Variants in RABEP1 observed in about 807,000 individuals in gnomAD.
RABEP1 encodes rabaptin, RAB GTPase binding effector protein 1.
In RABEP1, 51 loss-of-function variants were observed where a neutral mutation model predicts 123.4. The ratio of observed to expected loss-of-function variants is 0.41; its 90% CI spans 0.33 to 0.52. RABEP1 has a LOEUF of 0.52. Ranked by LOEUF, RABEP1 falls within the 20% of genes least tolerant of loss-of-function variation. The pLI is 0.16. For synonymous variants in RABEP1, 347 were observed against 355.2 expected, an observed-to-expected ratio of 0.98 and a Z score of 0.26; for missense variants, 888 against 996.3, an observed-to-expected ratio of 0.89 and a Z score of 1.46.
chr17:5,374,106 A>T (rs1910773825), intron 13 of RABEP1, among the ~76,000 whole-genome samples: 1 of 152,110 alleles, frequency 6.6e-6, no homozygotes, highest in Admixed American at 6.6e-5. Flanking sequence ...AATATCTGTC[A>T]CCCAGGCTGG....
At chr17:5,364,985 G>C in intron 10 of RABEP1, 137 bp from the exon 11 acceptor site, 1 of 596,472 alleles carries the variant, frequency 1.7e-6, no homozygotes, top group Non-Finnish European at 3.0e-6. Context: ...TCTAATTTCT[G>C]TCTGAATTAG....
intron 1 of RABEP1, among the ~76,000 whole-genome samples, chr17:5,290,238 C>G (rs1445742567): frequency 6.6e-6 from 1 of 152,178 alleles, no homozygotes; most frequent in Non-Finnish European, 1.5e-5. Flanking sequence ...CAGGCGCCCG[C>G]CACCACACCC....
intron 2 of RABEP1, among the ~76,000 whole-genome samples, chr17:5,316,796 G>C (rs1287123049): frequency 8.4e-6 from 1 of 118,696 alleles, no homozygotes; most frequent in African/African-American, 3.4e-5. Context: ...TCGCGCTACT[G>C]CACTCCAGCC....
At chr17:5,361,023 T>A (rs1342866209) in intron 8 of RABEP1, 185 bp from the exon 9 acceptor site, 2 of 609,236 alleles carry the variant, frequency 3.3e-6, no homozygotes, top group African/African-American at 1.9e-5. Context: ...CACAGTTGTA[T>A]CCTGAGGGCC....
At chr17:5,358,689 C>T (rs969727841) in intron 8 of RABEP1, among the ~76,000 whole-genome samples, 1 of 150,022 alleles carries the variant, frequency 6.7e-6, no homozygotes, top group African/African-American at 2.4e-5. Context: ...AAAAAAAGAA[C>T]TGCTGAATTC....
At chr17:5,291,979 T>C (rs1245127223) in intron 1 of RABEP1, among the ~76,000 whole-genome samples, 1 of 152,246 alleles carries the variant, frequency 6.6e-6, no homozygotes, top group Non-Finnish European at 1.5e-5. Flanking sequence ...CATTTGTAAA[T>C]TCTCGCTATT....
At position 5,381,387 on chromosome 17, in the gene RABEP1, A is replaced by G; in HGVS notation, c.2371-2A>G. 1 of 1,605,488 alleles carries G rather than the reference A, an allele frequency of 6.2e-7. No homozygotes were observed. The highest frequency in any genetic ancestry group is 8.5e-7 in the Non-Finnish European group (1 of 1,177,644). On this transcript the variant is annotated splice_acceptor_variant, in intron 16 of 17. Transcript: ENST00000537505. LOFTEE classifies it high-confidence loss of function. ...TCTTCATTCAAAACTTGTATTTTTT[A>G]GGCTACCGTTGAACAACTAATGTTT...
At chr17:5,309,291 C>T (rs960500762) in intron 2 of RABEP1, among the ~76,000 whole-genome samples, 1 of 151,916 alleles carries the variant, frequency 6.6e-6, no homozygotes. Flanking sequence ...TCATGTGGTT[C>T]TTTAACTTGG....
At chr17:5,287,877 A>G (rs529593970) in intron 1 of RABEP1, among the ~76,000 whole-genome samples, 3 of 151,486 alleles carry the variant, frequency 2.0e-5, no homozygotes, top group South Asian at 2.1e-4. Context: ...TTGCTACTTC[A>G]CTCCCACCTA....
rs1438213033 is a variant in RABEP1 at position 5,383,511 on chromosome 17, C to T, written c.*288C>T. On this transcript the variant is annotated 3_prime_UTR_variant, in exon 18 of 18. Coordinates refer to ENST00000537505, the MANE Select transcript of RABEP1 (RefSeq NM_004703.6). ...GGAAAAAGCGCTGTTTCCTTGCCTG[C>T]TTTCTCCAAGACAGATTTTCGGAAC... 2.6e-6 allele frequency: 1 copy of T among 381,016 alleles called. No homozygotes were observed. The highest frequency in any genetic ancestry group is 4.0e-5 in the Admixed American group (1 of 24,852). 23.6% of individuals were successfully genotyped at this position (381,016 alleles called of 1,614,324 possible).
intron 2 of RABEP1, among the ~76,000 whole-genome samples, chr17:5,311,698 A>C (rs1216232023): frequency 4.5e-4 from 7 of 15,614 alleles, no homozygotes; most frequent in African/African-American, 1.6e-3. Context: ...ACTTCATCTC[A>C]AAAAAAAAAA....
intron 1 of RABEP1, among the ~76,000 whole-genome samples, chr17:5,287,184 T>G (rs1420523258): frequency 6.6e-6 from 1 of 152,102 alleles, no homozygotes; most frequent in Non-Finnish European, 1.5e-5. Flanking sequence ...AAAGATTGGT[T>G]TTCACTATGG....
intron 1 of RABEP1, among the ~76,000 whole-genome samples, chr17:5,295,281 A>G (rs545782232): frequency 9.9e-5 from 15 of 151,882 alleles, no homozygotes; most frequent in African/African-American, 3.6e-4. Context: ...CAGCTATTTG[A>G]GAGAGGCTTA....
chr17:5,323,044 C>T (rs1313697181), intron 2 of RABEP1, among the ~76,000 whole-genome samples: 1 of 152,104 alleles, frequency 6.6e-6, no homozygotes, highest in Non-Finnish European at 1.5e-5. Context: ...CACTGCACTC[C>T]AGCCTGGGTG....
intron 5 of RABEP1, among the ~76,000 whole-genome samples, chr17:5,341,870 C>T (rs1907643799): frequency 6.6e-6 from 1 of 152,142 alleles, no homozygotes; most frequent in Non-Finnish European, 1.5e-5. Context: ...GAAATTTGAC[C>T]ACTCAATAAC....
intron 11 of RABEP1, among the ~76,000 whole-genome samples, chr17:5,367,476 G>A (rs1281286551): frequency 1.3e-5 from 2 of 151,668 alleles, no homozygotes; most frequent in African/African-American, 4.8e-5. Flanking sequence ...TCACCATCTT[G>A]GCCAGGCTGG....
At chr17:5,337,048 C>T (rs531649518) in intron 4 of RABEP1, among the ~76,000 whole-genome samples, 3 of 152,212 alleles carry the variant, frequency 2.0e-5, no homozygotes, top group East Asian at 3.9e-4. Context: ...TGTTTCTCTG[C>T]GTGTAAGTGT....
At chr17:5,361,058 A>G in intron 8 of RABEP1, 150 bp from the exon 9 acceptor site, 2 of 714,228 alleles carry the variant, frequency 2.8e-6, no homozygotes, top group East Asian at 2.7e-5. Flanking sequence ...GCATGTAGAA[A>G]TGACACTTAG....
At chr17:5,319,186 C>T (rs1056388904) in intron 2 of RABEP1, among the ~76,000 whole-genome samples, 2 of 151,428 alleles carry the variant, frequency 1.3e-5, no homozygotes, top group Non-Finnish European at 2.9e-5. Context: ...AAAAATTAAC[C>T]GGGTGTGGTG....
Sources: allele counts gnomAD v4.1 joint callset (sites outside exome capture counted in the v4.1 genomes callset), GRCh38; gene constraint gnomAD v4.1.1; transcripts MANE v1.5; gene names NCBI Gene and HGNC (gene_info 2026-07-23, HGNC 2026-07-21).